The following PPP1R9A variants were observed in gnomAD, a reference collection of about 807,000 sequenced individuals.
PPP1R9A encodes the protein protein phosphatase 1 regulatory subunit 9A.
In PPP1R9A, 59 loss-of-function variants were observed where a neutral mutation model predicts 141.9. The observed-to-expected ratio is 0.42, with a 90% CI of 0.34 to 0.52. The LOEUF (loss-of-function observed/expected upper bound fraction) is 0.52. Among genes scored for constraint, PPP1R9A ranks in the 20% least tolerant of loss-of-function variants. PPP1R9A has a pLI of 0.10. For synonymous variants in PPP1R9A, 500 were observed against 569.7 expected, an observed-to-expected ratio of 0.88 and a Z score of 1.74; for missense variants, 1,444 against 1,611.9, an observed-to-expected ratio of 0.90 and a Z score of 1.78.
chr7:95,245,799 G>C (rs979815352), intron 8 of PPP1R9A, among the ~76,000 whole-genome samples: 2 of 152,132 alleles, frequency 1.3e-5, no homozygotes, highest in Non-Finnish European at 2.9e-5. Context: ...GCCAGATTTT[G>C]TGTCTTATAA....
In PPP1R9A at chr7:94,960,171, T is replaced by C. The variant is rs570368194; in HGVS notation, c.1395+48663T>C. On this transcript the variant is annotated intron_variant, in intron 2 of 19. Transcript: ENST00000433360. ...TATGGACTTCTTTCTCTCTCTCTCT[T>C]TTTTTTTTTTTTTCTTCATGTTCTT... 3.1e-3 allele frequency among the ~76,000 whole-genome samples: 450 copies of C among 143,170 alleles called. 3 individuals carry two copies. Among genetic ancestry groups the C allele is most frequent in the Non-Finnish European group, 4.1e-3 (269 of 66,070 alleles). The allele number at this position is 143,170 out of a possible 152,430, so 93.9% of individuals were successfully genotyped here. A position where few individuals can be genotyped will look rare whatever the true frequency, so the allele number is the denominator to read the frequency against.
At chr7:94,921,244 A>C (rs1292494720) in intron 2 of PPP1R9A, among the ~76,000 whole-genome samples, 1 of 152,074 alleles carries the variant, frequency 6.6e-6, no homozygotes, top group Non-Finnish European at 1.5e-5. Context: ...CAGGAAATCG[A>C]GACCATCCTG....
chr7:95,158,622 A>G (rs1829999494), intron 4 of PPP1R9A, among the ~76,000 whole-genome samples: 5 of 152,228 alleles, frequency 3.3e-5, no homozygotes, highest in Admixed American at 3.3e-4. Context: ...TTTCCTCTAA[A>G]CCACCATGTT....
At chr7:94,961,564 A>G (rs1008608962) in intron 2 of PPP1R9A, among the ~76,000 whole-genome samples, 1 of 151,822 alleles carries the variant, frequency 6.6e-6, no homozygotes, top group Admixed American at 6.6e-5. Flanking sequence ...GGTTATCTTT[A>G]TAGGAAGTTT....
At chr7:95,135,608 TA>T (rs1475045005) in intron 4 of PPP1R9A, among the ~76,000 whole-genome samples, 4 of 152,172 alleles carry the variant, frequency 2.6e-5, no homozygotes, top group African/African-American at 7.2e-5. Flanking sequence ...ATTTTGCTTT[TA>T]TTTTTTTCTT....
intron 16 of PPP1R9A, among the ~76,000 whole-genome samples, chr7:95,282,519 A>T (rs1278783764): frequency 6.6e-6 from 1 of 152,130 alleles, no homozygotes; most frequent in Non-Finnish European, 1.5e-5. Context: ...TTCCCTAGAG[A>T]CACATGTTTA....
intron 2 of PPP1R9A, among the ~76,000 whole-genome samples, chr7:95,060,893 GTAAGTATT>G (rs1484128909): frequency 3.9e-5 from 6 of 152,326 alleles, no homozygotes; most frequent in Non-Finnish European, 5.9e-5. Context: ...TGGAATGAAT[GTAAGTATT>G]CCGTTAATCC....
intron 2 of PPP1R9A, among the ~76,000 whole-genome samples, chr7:94,953,746 T>C (rs1290237329): frequency 6.6e-6 from 1 of 152,166 alleles, no homozygotes; most frequent in East Asian, 1.9e-4. Context: ...TCACTCATGA[T>C]TTGGCTCTCT....
chr7:95,072,991 T>C (rs1814213825), intron 2 of PPP1R9A, among the ~76,000 whole-genome samples: 1 of 135,184 alleles, frequency 7.4e-6, no homozygotes, highest in African/African-American at 2.8e-5. Flanking sequence ...AATATTATTA[T>C]TATTATTATT....
chr7:95,185,854 T>G (rs1297401654), intron 5 of PPP1R9A, among the ~76,000 whole-genome samples: 2 of 152,162 alleles, frequency 1.3e-5, no homozygotes, highest in Non-Finnish European at 2.9e-5. Flanking sequence ...TGGGTTTATT[T>G]CTGGGTTCTC....
At chr7:94,963,926 A>C (rs1797922943) in intron 2 of PPP1R9A, among the ~76,000 whole-genome samples, 1 of 152,086 alleles carries the variant, frequency 6.6e-6, no homozygotes, top group Non-Finnish European at 1.5e-5. Flanking sequence ...GTGCCATTTT[A>C]TTACCCTTTG....
intron 8 of PPP1R9A, among the ~76,000 whole-genome samples, chr7:95,245,229 A>C (rs532693570): frequency 6.6e-6 from 1 of 152,286 alleles, no homozygotes; most frequent in African/African-American, 2.4e-5. Flanking sequence ...TTACGTTATT[A>C]GTTTATACTG....
intron 4 of PPP1R9A, among the ~76,000 whole-genome samples, chr7:95,142,370 A>T (rs909633826): frequency 3.9e-5 from 6 of 151,994 alleles, no homozygotes; most frequent in Non-Finnish European, 8.8e-5. Context: ...AGTTCAATTC[A>T]TCTAGTTTTT....
intron 2 of PPP1R9A, among the ~76,000 whole-genome samples, chr7:95,091,744 G>T (rs1817375415): frequency 6.6e-6 from 1 of 151,024 alleles, no homozygotes; most frequent in Non-Finnish European, 1.5e-5. Context: ...ATGGCCCTTT[G>T]CAGTTGTGGG....
intron 2 of PPP1R9A, among the ~76,000 whole-genome samples, chr7:95,096,465 ATC>A (rs1239038855): frequency 6.6e-6 from 1 of 152,032 alleles, no homozygotes; most frequent in African/African-American, 2.4e-5. Flanking sequence ...TTGGAGAAAA[ATC>A]TCTTAGTATT....
intron 2 of PPP1R9A, among the ~76,000 whole-genome samples, chr7:94,968,638 T>C (rs1798517912): frequency 1.3e-5 from 2 of 152,154 alleles, no homozygotes; most frequent in African/African-American, 4.8e-5. Flanking sequence ...GAGTCTTGAC[T>C]CCATCCAATT....
intron 2 of PPP1R9A, among the ~76,000 whole-genome samples, chr7:94,912,374 G>A (rs796527988): frequency 6.6e-6 from 1 of 152,168 alleles, no homozygotes; most frequent in East Asian, 1.9e-4. Flanking sequence ...ATCTCCTGGG[G>A]TGCTTTTTCA....
chr7:95,037,522 A>G (rs1241990529), intron 2 of PPP1R9A, among the ~76,000 whole-genome samples: 1 of 152,194 alleles, frequency 6.6e-6, no homozygotes, highest in African/African-American at 2.4e-5. Flanking sequence ...TAAATAATCA[A>G]CTTAGTACAT....
At chr7:95,020,009 C>T (rs1805680773) in intron 2 of PPP1R9A, among the ~76,000 whole-genome samples, 2 of 151,876 alleles carry the variant, frequency 1.3e-5, no homozygotes, top group Admixed American at 1.3e-4. Context: ...ACAGTGGACT[C>T]AGCAGTCAAA....
Sources: gnomAD v4.1 joint callset for allele counts (sites outside exome capture counted in the v4.1 genomes callset) on GRCh38, gnomAD v4.1.1 for gene constraint, MANE v1.5 for transcripts, NCBI Gene and HGNC (gene_info 2026-07-23, HGNC 2026-07-21) for gene names.